VSTM4: variants seen among roughly 807,000 people sequenced by gnomAD.
The protein encoded by VSTM4 is V-set and transmembrane domain-containing protein 4.
Under a neutral mutation model 36.4 loss-of-function variants are expected in VSTM4, and 20 were observed. That is an observed-to-expected ratio of 0.55 (90% CI 0.39 to 0.80). The LOEUF is 0.80. Among genes scored for constraint, VSTM4 ranks in the 30% least tolerant of loss-of-function variants. The pLI is 0.00. For missense variants in VSTM4, 392 were observed against 404.5 expected (o/e 0.97, Z 0.26); for synonymous variants, 182 against 173.9 (o/e 1.05, Z -0.37).
chr10:49,091,016 C>G (rs4317903), intron 2 of VSTM4, among the ~76,000 whole-genome samples: 66,995 of 151,508 alleles, frequency 0.44, 16,372 homozygotes, highest in African/African-American at 0.66. Context: ...TGGGGAAAGG[C>G]GAACAGGCAG....
In VSTM4 at chr10:49,049,237, A is replaced by T. The variant is rs574241693; in HGVS notation, c.669-653T>A. 1.8e-4 allele frequency among the ~76,000 whole-genome samples: 28 copies of T among 152,352 alleles called. No homozygotes were observed. The South Asian group carries it at 5.2e-3, about 28-fold the overall frequency. ...TACCTTGACCCTGTGTAATTACTGC[A>T]GTATCAGCTTCTTAATATGTGTTAG... On this transcript the variant is annotated intron_variant, in intron 5 of 7. Transcript: ENST00000332853.
chr10:49,042,981 T>G (rs1843544287), intron 7 of VSTM4, among the ~76,000 whole-genome samples: 1 of 152,058 alleles, frequency 6.6e-6, no homozygotes, highest in Non-Finnish European at 1.5e-5. Flanking sequence ...GGAGAGTGGG[T>G]ACATGGGCCC....
At position 49,019,378 on chromosome 10, in the gene VSTM4, C is replaced by G. The variant is rs1284237424; in HGVS notation, c.*272G>C. On this transcript the variant is annotated 3_prime_UTR_variant, in exon 8 of 8. Coordinates refer to ENST00000332853, the MANE Select transcript of VSTM4 (RefSeq NM_001031746.5). ...GAAGGGGTTTGGCTCAGCAGAAAAT[C>G]TCCTTGGCTGCTCTCAGGATCAGAA... 3 of 293,036 alleles carry G rather than the reference C, an allele frequency of 1.0e-5. No individual in the cohort carries two copies. The Admixed American group carries it at 1.6e-4, about 15-fold the overall frequency. 18.2% of individuals were successfully genotyped at this position (293,036 alleles called of 1,614,324 possible). A position where few individuals can be genotyped will look rare whatever the true frequency, so the allele number is the denominator to read the frequency against.
At chr10:49,056,416 G>C (rs1203064583) in intron 5 of VSTM4, among the ~76,000 whole-genome samples, 1 of 152,272 alleles carries the variant, frequency 6.6e-6, no homozygotes. Flanking sequence ...TGCTCAGCCA[G>C]GGGTAAGGCT....
At chr10:49,047,265 A>C (rs946275886) in intron 6 of VSTM4, among the ~76,000 whole-genome samples, 2 of 151,728 alleles carry the variant, frequency 1.3e-5, no homozygotes, top group African/African-American at 4.9e-5. Context: ...CAACAAAACA[A>C]CTCTGCATAA....
intron 7 of VSTM4, among the ~76,000 whole-genome samples, chr10:49,036,885 C>T (rs1320249447): frequency 6.6e-6 from 1 of 152,220 alleles, no homozygotes; most frequent in African/African-American, 2.4e-5. Flanking sequence ...GAATGAACTA[C>T]TTCCTTTCTG....
intron 2 of VSTM4, among the ~76,000 whole-genome samples, chr10:49,107,031 G>GCA (rs1226755854): frequency 6.6e-6 from 1 of 152,182 alleles, no homozygotes; most frequent in Non-Finnish European, 1.5e-5. Flanking sequence ...ACTTCGATAA[G>GCA]CATCTTAGCA....
intron 2 of VSTM4, chr10:49,103,887 G>A (rs747038135): frequency 1.2e-6 from 2 of 1,608,516 alleles, no homozygotes; most frequent in Admixed American, 1.7e-5. Flanking sequence ...GGTGACATGA[G>A]CAGGTTAGAC....
intron 7 of VSTM4, among the ~76,000 whole-genome samples, chr10:49,021,204 GA>G (rs551657729): frequency 0.018 from 2,703 of 146,666 alleles, 75 homozygotes; most frequent in South Asian, 0.12. Context: ...AGCCATTTGA[GA>G]AAAAAAAAAT....
chr10:49,073,986 T>C (rs1590108086), intron 4 of VSTM4, among the ~76,000 whole-genome samples: 1 of 152,304 alleles, frequency 6.6e-6, no homozygotes, highest in East Asian at 1.9e-4. Flanking sequence ...GTTGGGATGT[T>C]AGGAATCCCA....
chr10:49,042,853 G>T (rs1843542093), intron 7 of VSTM4, among the ~76,000 whole-genome samples: 1 of 152,168 alleles, frequency 6.6e-6, no homozygotes, highest in African/African-American at 2.4e-5. Context: ...GTCAGGGTGG[G>T]TGGTGTTTTA....
At chr10:49,069,841 C>G (rs1417741759) in intron 4 of VSTM4, among the ~76,000 whole-genome samples, 2 of 152,174 alleles carry the variant, frequency 1.3e-5, no homozygotes, top group African/African-American at 4.8e-5. Context: ...GTCCCATAGT[C>G]CCACATGGCA....
intron 4 of VSTM4, among the ~76,000 whole-genome samples, chr10:49,071,321 C>T (rs1272469774): frequency 6.6e-6 from 1 of 152,202 alleles, no homozygotes; most frequent in Non-Finnish European, 1.5e-5. Flanking sequence ...AAGCAAAAGC[C>T]TTTGGAAACA....
At chr10:49,064,401 G>C in intron 5 of VSTM4, 1 of 396,882 alleles carries the variant, frequency 2.5e-6, no homozygotes, top group Non-Finnish European at 4.6e-6. Flanking sequence ...AAGTGGTTCA[G>C]AGCAAGTGTG....
intron 7 of VSTM4, among the ~76,000 whole-genome samples, chr10:49,043,142 A>C (rs1356225300): frequency 3.3e-5 from 5 of 152,244 alleles, no homozygotes; most frequent in African/African-American, 1.2e-4. Flanking sequence ...TGTGGTAGCC[A>C]CTAGTCAAAT....
chr10:49,101,343 TA>T (rs1844662181), intron 2 of VSTM4, among the ~76,000 whole-genome samples: 1 of 147,404 alleles, frequency 6.8e-6, no homozygotes, highest in Non-Finnish European at 1.5e-5. Flanking sequence ...CCATATGTAA[TA>T]GCTAAAAAAT....
chr10:49,065,147 A>G (rs1292147007), intron 4 of VSTM4, among the ~76,000 whole-genome samples: 2 of 152,230 alleles, frequency 1.3e-5, no homozygotes, highest in East Asian at 3.8e-4. Context: ...GAATTCTCTG[A>G]TTAATGCTCT....
chr10:49,083,221 A>C (rs537349669), intron 3 of VSTM4, among the ~76,000 whole-genome samples: 1 of 152,328 alleles, frequency 6.6e-6, no homozygotes, highest in South Asian at 2.1e-4. Flanking sequence ...CCAGCCTGTA[A>C]TACCATCTTG....
At position 49,095,349 on chromosome 10, in the gene VSTM4, A is replaced by C. The variant is rs567344582; in HGVS notation, c.458-9326T>G. ...GGATCACTCATTCACTCCTCCATCT[A>C]AAAAGTCATCATTGGGCCCCTTCTG... On this transcript the variant is annotated intron_variant, in intron 2 of 7. Transcript: ENST00000332853. 1.6e-4 allele frequency among the ~76,000 whole-genome samples: 24 copies of C among 152,104 alleles called. No homozygotes were observed. The South Asian group carries it at 4.4e-3, about 28-fold the overall frequency.
Sources: allele counts gnomAD v4.1 joint callset (sites outside exome capture counted in the v4.1 genomes callset), GRCh38; gene constraint gnomAD v4.1.1; transcripts MANE v1.5; gene names NCBI Gene and HGNC (gene_info 2026-07-23, HGNC 2026-07-21).